SEMA3E: variants seen among roughly 807,000 people sequenced by gnomAD.
SEMA3E encodes the protein semaphorin-3E.
In SEMA3E, 49 loss-of-function variants were observed where a neutral mutation model predicts 93.6. The observed-to-expected ratio is 0.52, with a 90% CI of 0.42 to 0.66. The LOEUF is 0.66. Ranked by LOEUF, SEMA3E falls within the 30% of genes least tolerant of loss-of-function variation. The pLI is 0.00. For synonymous variants in SEMA3E, 363 were observed against 330.7 expected (o/e 1.10, Z -1.06); for missense variants, 906 against 964.8 (o/e 0.94, Z 0.81).
At chr7:83,368,205 C>CTGTG (rs1268161360) in intron 16 of SEMA3E, among the ~76,000 whole-genome samples, 167 bp from the exon 17 acceptor site, 1 of 87,406 alleles carries the variant, frequency 1.1e-5, no homozygotes, top group Admixed American at 1.2e-4. Flanking sequence ...CTCTCTCTCT[C>CTGTG]TCTCTGTGTG....
At chr7:83,502,491 G>A (rs571386195) in intron 1 of SEMA3E, among the ~76,000 whole-genome samples, 2 of 152,016 alleles carry the variant, frequency 1.3e-5, no homozygotes, top group African/African-American at 2.4e-5. Context: ...CCTTCTGTCT[G>A]CCACCCACCT....
intron 2 of SEMA3E, among the ~76,000 whole-genome samples, chr7:83,481,312 C>T (rs1223065013): frequency 1.3e-5 from 2 of 152,008 alleles, no homozygotes; most frequent in Admixed American, 6.5e-5. Flanking sequence ...CAATAGTTTT[C>T]TTTAGTTCAG....
Position 83,367,735 on chromosome 7 carries a change from C to G in SEMA3E, c.2179G>C (p.Glu727Gln). Reference sequence around the variant, plus strand: ...GTGCACCATACTTTCTCGCAGTATTCTTCCACTCTCTGGAAGTTGCTATAA... The same window carrying G: ...GTGCACCATACTTTCTCGCAGTATTGTTCCACTCTCTGGAAGTTGCTATAA... ...IGYSNFQRVE[E>Q]YCEKVWCTDR... Residue 727 changes from glutamate to glutamine, a missense_variant, in exon 17 of 17, where the codon GAA becomes CAA. Physicochemically the swap from Glu to Gln is conservative, Grantham distance 29. Coordinates refer to ENST00000643230, the MANE Select transcript of SEMA3E (RefSeq NM_012431.3). 1 of 1,614,092 alleles carries G rather than the reference C, an allele frequency of 6.2e-7. No homozygotes were observed. The highest frequency in any genetic ancestry group is 1.1e-5 in the South Asian group (1 of 91,074).
chr7:83,573,886 T>G (rs215284), intron 1 of SEMA3E, among the ~76,000 whole-genome samples: 64,866 of 151,580 alleles, frequency 0.43, 14,982 homozygotes, highest in African/African-American at 0.61. Flanking sequence ...GCATTTTATA[T>G]AATAAAATAA....
At chr7:83,630,464 A>G (rs1793763674) in intron 1 of SEMA3E, among the ~76,000 whole-genome samples, 1 of 152,208 alleles carries the variant, frequency 6.6e-6, no homozygotes, top group South Asian at 2.1e-4. Context: ...TCTGAAGGCA[A>G]TATACTGATA....
At chr7:83,433,823 T>C (rs1788938093) in intron 4 of SEMA3E, among the ~76,000 whole-genome samples, 1 of 152,112 alleles carries the variant, frequency 6.6e-6, no homozygotes. Flanking sequence ...AGCTCAAAAG[T>C]TTTTATAGCT....
chr7:83,509,716 C>T (rs531710240), intron 1 of SEMA3E, among the ~76,000 whole-genome samples: 3 of 152,130 alleles, frequency 2.0e-5, no homozygotes, highest in East Asian at 1.9e-4. Flanking sequence ...TGCCTGGGAC[C>T]CTTGCCAAGA....
chr7:83,584,946 C>T (rs1792592402), intron 1 of SEMA3E, among the ~76,000 whole-genome samples: 1 of 152,122 alleles, frequency 6.6e-6, no homozygotes, highest in Non-Finnish European at 1.5e-5. Flanking sequence ...TTTCCCCTTA[C>T]TACTGGGAAA....
At chr7:83,643,451 T>C (rs1298862502) in intron 1 of SEMA3E, among the ~76,000 whole-genome samples, 1 of 152,006 alleles carries the variant, frequency 6.6e-6, no homozygotes, top group Non-Finnish European at 1.5e-5. Context: ...TGTTTATATA[T>C]GAACTGTTTT....
At chr7:83,610,889 C>T (rs985696730) in intron 1 of SEMA3E, among the ~76,000 whole-genome samples, 2 of 151,946 alleles carry the variant, frequency 1.3e-5, no homozygotes, top group African/African-American at 2.4e-5. Context: ...TTCAATCAAC[C>T]CCTCTGTGGT....
intron 1 of SEMA3E, among the ~76,000 whole-genome samples, chr7:83,524,888 C>T (rs1409879598): frequency 6.6e-6 from 1 of 151,794 alleles, no homozygotes; most frequent in Non-Finnish European, 1.5e-5. Flanking sequence ...ACTAGCCACC[C>T]TCTGTTGGTG....
intron 1 of SEMA3E, among the ~76,000 whole-genome samples, chr7:83,633,250 T>C (rs1407544192): frequency 6.6e-6 from 1 of 152,140 alleles, no homozygotes; most frequent in Non-Finnish European, 1.5e-5. Flanking sequence ...AACAAACACC[T>C]TCTTAGCAAT....
At chr7:83,499,026 CT>C (rs869081851) in intron 1 of SEMA3E, among the ~76,000 whole-genome samples, 17 of 134,340 alleles carry the variant, frequency 1.3e-4, no homozygotes, top group Non-Finnish European at 2.1e-4. Context: ...TAATATAAAC[CT>C]TTTTCTTTAC....
chr7:83,427,954 A>T (rs1455119595), intron 4 of SEMA3E, among the ~76,000 whole-genome samples: 1 of 152,240 alleles, frequency 6.6e-6, no homozygotes, highest in Non-Finnish European at 1.5e-5. Flanking sequence ...CATTCCCAGC[A>T]TTAACATGTG....
intron 16 of SEMA3E, chr7:83,372,275 A>T (rs1363693247): frequency 2.5e-6 from 1 of 398,020 alleles, no homozygotes; most frequent in Non-Finnish European, 4.4e-6. Context: ...ACGTCTTAGG[A>T]CATTGCCTTT....
intron 8 of SEMA3E, 99 bp from the exon 9 acceptor site, chr7:83,405,618 T>C: frequency 2.1e-6 from 2 of 952,196 alleles, no homozygotes; most frequent in Non-Finnish European, 3.4e-6. Context: ...TCATTATAGA[T>C]TTTGAGATGT....
chr7:83,365,865 G>A lies in SEMA3E; in HGVS notation c.*1721C>T, dbSNP rs2116889169. On this transcript the variant is annotated 3_prime_UTR_variant, in exon 17 of 17. Coordinates refer to ENST00000643230, the MANE Select transcript of SEMA3E (RefSeq NM_012431.3). ...TTGTGGTTCTATTTCTCCAAATTGAGCAGGCTTTTACTGAATATAGTTTTT... is the reference window on the plus strand; with the variant it reads ...TTGTGGTTCTATTTCTCCAAATTGAACAGGCTTTTACTGAATATAGTTTTT... 6.6e-6 allele frequency: 1 copy of A among 152,180 alleles called. No individual in the cohort carries two copies. Among genetic ancestry groups the A allele is most frequent in the South Asian group, 2.1e-4 (1 of 4,824 alleles). The allele number at this position is 152,180 out of a possible 1,614,324, so 9.4% of individuals were successfully genotyped here. A position where few individuals can be genotyped will look rare whatever the true frequency, so the allele number is the denominator to read the frequency against.
intron 1 of SEMA3E, among the ~76,000 whole-genome samples, chr7:83,611,833 T>G (rs1462658310): frequency 6.6e-6 from 1 of 152,080 alleles, no homozygotes; most frequent in East Asian, 1.9e-4. Flanking sequence ...GCCTTTTCAG[T>G]CTGAGAGTCA....
Position 83,558,819 on chromosome 7 carries a change from A to G in SEMA3E, c.116-68545T>C, listed in dbSNP as rs1791970828. On this transcript the variant is annotated intron_variant, in intron 1 of 16. Coordinates refer to ENST00000643230, the MANE Select transcript of SEMA3E (RefSeq NM_012431.3). ...GTGTGTCATGTCACTACAAAAATCA[A>G]ATTTTTAACAAATACAAATATTTTA... Among the ~76,000 whole-genome samples, 4 of 152,124 alleles carry G rather than the reference A, an allele frequency of 2.6e-5. No homozygotes were observed. The South Asian group carries it at 8.3e-4, about 32-fold the overall frequency.
Sources: gnomAD v4.1 joint callset for allele counts (sites outside exome capture counted in the v4.1 genomes callset) on GRCh38, gnomAD v4.1.1 for gene constraint, MANE v1.5 for transcripts, NCBI Gene and HGNC (gene_info 2026-07-23, HGNC 2026-07-21) for gene names.